Variants in ETS1 observed in about 807,000 individuals in gnomAD.
ETS1 encodes the protein protein C-ets-1.
A neutral mutation model predicts 58.6 loss-of-function variants in ETS1; 15 were observed. The ratio of observed to expected loss-of-function variants is 0.26; its 90% CI spans 0.17 to 0.39. ETS1 has a LOEUF of 0.39. Ranked by LOEUF, ETS1 falls within the 10% of genes least tolerant of loss-of-function variation. The pLI, the probability that ETS1 is intolerant of heterozygous loss-of-function variation, is 1.00. For synonymous variants in ETS1, 214 were observed against 218.2 expected (o/e 0.98, Z 0.17); for missense variants, 417 against 610.5 (o/e 0.68, Z 3.34).
In ETS1 at chr11:128,542,337, G is replaced by A. The variant is rs189688943; in HGVS notation, c.214+13954C>T. On this transcript the variant is annotated intron_variant, in intron 3 of 9. Transcript: ENST00000392668. ...GAGCTAGAATGACAGAAAAGGAAAA[G>A]GGGAAGAGGGAGGAGGAAGAGCAGG... Among the ~76,000 whole-genome samples, 99 of 152,284 alleles carry A rather than the reference G, an allele frequency of 6.5e-4. No individual in the cohort carries two copies. In the East Asian group the frequency reaches 0.012, roughly 18 times the overall value.
At chr11:128,562,451 A>C (rs1864419247) in intron 2 of ETS1, among the ~76,000 whole-genome samples, 1 of 152,132 alleles carries the variant, frequency 6.6e-6, no homozygotes, top group Admixed American at 6.6e-5. Context: ...CCAGGCAGCC[A>C]TGGAGGAAGG....
intron 3 of ETS1, among the ~76,000 whole-genome samples, chr11:128,490,939 C>T (rs888638020): frequency 6.6e-6 from 1 of 151,906 alleles, no homozygotes; most frequent in African/African-American, 2.4e-5. Context: ...AGGCTGGTCT[C>T]GAGCTCCTGA....
intron 2 of ETS1, among the ~76,000 whole-genome samples, chr11:128,569,181 A>C (rs540046983): frequency 5.4e-4 from 82 of 152,250 alleles, no homozygotes; most frequent in African/African-American, 1.9e-3. Context: ...GCACCTCCTA[A>C]ATTTTAACAA....
In ETS1 at chr11:128,462,346, G is replaced by A. The variant is rs1861925058; in HGVS notation, c.*15C>T. The stretch of plus-strand genomic sequence containing the variant: ...GGAAGGTCTCAGCAGGGTTTCCCCA[G>A]CCCCTTCAGTGCCATCACTCGTCGG... On this transcript the variant is annotated 3_prime_UTR_variant, in exon 10 of 10. Coordinates refer to ENST00000392668, the MANE Select transcript of ETS1 (RefSeq NM_001143820.2). 2.5e-6 allele frequency: 4 copies of A among 1,598,460 alleles called. No individual in the cohort carries two copies. The African/African-American group carries it at 4.0e-5, about 16-fold the overall frequency.
At chr11:128,540,867 G>A (rs1240356674) in intron 3 of ETS1, among the ~76,000 whole-genome samples, 1 of 152,200 alleles carries the variant, frequency 6.6e-6, no homozygotes, top group East Asian at 1.9e-4. Flanking sequence ...GGCCAGACCA[G>A]GGTGAGGGAG....
At chr11:128,578,780 A>T (rs957788967) in intron 1 of ETS1, among the ~76,000 whole-genome samples, 2 of 152,118 alleles carry the variant, frequency 1.3e-5, no homozygotes, top group African/African-American at 4.8e-5. Flanking sequence ...TGCTATGGAC[A>T]TTTTTCTCTG....
chr11:128,561,164 A>T (rs906705964), intron 2 of ETS1, among the ~76,000 whole-genome samples: 2 of 152,174 alleles, frequency 1.3e-5, no homozygotes, highest in African/African-American at 4.8e-5. Flanking sequence ...TTCAAGCCGG[A>T]GGGCAGGGTA....
chr11:128,558,649 C>CAAAAAAAAA (rs201114905), intron 2 of ETS1, among the ~76,000 whole-genome samples: 15 of 103,442 alleles, frequency 1.5e-4, no homozygotes, highest in Non-Finnish European at 1.8e-4. Flanking sequence ...ATATCCATCC[C>CAAAAAAAAA]AAAAAAAAAA....
chr11:128,581,718 A>G (rs1864874390), intron 1 of ETS1, among the ~76,000 whole-genome samples: 1 of 152,192 alleles, frequency 6.6e-6, no homozygotes. Context: ...GAATGCTGCC[A>G]ATGAAACCTC....
intron 1 of ETS1, 61 bp downstream of exon 1, chr11:128,587,427 T>C (rs557303936): frequency 5.9e-5 from 9 of 152,470 alleles, no homozygotes; most frequent in South Asian, 2.1e-4. Flanking sequence ...TCCACAGAAA[T>C]TTTTTTAAAG....
chr11:128,544,573 G>A (rs1864104898), intron 3 of ETS1, among the ~76,000 whole-genome samples: 1 of 151,790 alleles, frequency 6.6e-6, no homozygotes, highest in African/African-American at 2.4e-5. Context: ...CAGAGCAGCA[G>A]CTCTGCATCA....
chr11:128,524,045 G>A (rs1244338438), intron 3 of ETS1, among the ~76,000 whole-genome samples: 1 of 152,120 alleles, frequency 6.6e-6, no homozygotes, highest in Non-Finnish European at 1.5e-5. Flanking sequence ...GAAAATGTTG[G>A]CATTTTTTAA....
chr11:128,538,381 T>C (rs1864001640), intron 3 of ETS1, among the ~76,000 whole-genome samples: 1 of 152,184 alleles, frequency 6.6e-6, no homozygotes, highest in South Asian at 2.1e-4. Context: ...GATTTTCAGA[T>C]CTGCATTCTT....
At chr11:128,568,981 G>A (rs1427383618) in intron 2 of ETS1, among the ~76,000 whole-genome samples, 1 of 152,166 alleles carries the variant, frequency 6.6e-6, no homozygotes, top group Non-Finnish European at 1.5e-5. Flanking sequence ...TAGTAACCAA[G>A]ACCTGCTTAG....
At chr11:128,546,660 T>C (rs1011628060) in intron 3 of ETS1, among the ~76,000 whole-genome samples, 1 of 150,982 alleles carries the variant, frequency 6.6e-6, no homozygotes, top group South Asian at 2.1e-4. Flanking sequence ...TTAAAAAAAA[T>C]TTTTTTTTTG....
At chr11:128,505,927 C>A (rs556685083) in intron 3 of ETS1, among the ~76,000 whole-genome samples, 1 of 152,178 alleles carries the variant, frequency 6.6e-6, no homozygotes, top group Non-Finnish European at 1.5e-5. Flanking sequence ...TCTGTCCAGA[C>A]GACACTAGCT....
Position 128,463,273 on chromosome 11 carries a change from C to T in ETS1, c.1242+236G>A, listed in dbSNP as rs1453069136. Among the ~76,000 whole-genome samples the T allele has an allele frequency of 6.6e-6, 1 of 152,176 alleles. No homozygotes were observed. The highest frequency in any genetic ancestry group is 2.4e-5 in the African/African-American group (1 of 41,440). ...GTGATAACTGACCTACTGCCAGGCA[C>T]GTTAATGCCTTCTATCAGCTAATCC... On this transcript the variant is annotated intron_variant, in intron 9 of 9. Coordinates refer to ENST00000392668, the MANE Select transcript of ETS1 (RefSeq NM_001143820.2). This position sits in a 1 kb window ranked among gnomAD's most constrained non-coding sequence, Gnocchi z 4.1.
At chr11:128,537,877 C>G (rs1863994613) in intron 3 of ETS1, among the ~76,000 whole-genome samples, 1 of 151,932 alleles carries the variant, frequency 6.6e-6, no homozygotes, top group African/African-American at 2.4e-5. Context: ...CAAATAAGCA[C>G]CTACAAGAAG....
At chr11:128,491,723 C>T (rs1012555002) in intron 3 of ETS1, among the ~76,000 whole-genome samples, 6 of 152,282 alleles carry the variant, frequency 3.9e-5, no homozygotes, top group Non-Finnish European at 7.4e-5. Context: ...AGGATGGTGG[C>T]TTTGACTACA....
Sources: gnomAD v4.1 joint callset for allele counts (sites outside exome capture counted in the v4.1 genomes callset) on GRCh38, gnomAD v4.1.1 for gene constraint, Gnocchi (gnomAD v3.1) non-coding constraint, MANE v1.5 for transcripts, NCBI Gene and HGNC (gene_info 2026-07-23, HGNC 2026-07-21) for gene names.